The following PDE4D variants were observed in gnomAD, a reference collection of about 807,000 sequenced individuals.
PDE4D encodes the protein phosphodiesterase 4D.
A neutral mutation model predicts 87.4 loss-of-function variants in PDE4D; 24 were observed. That is an observed-to-expected ratio of 0.27 (90% CI 0.20 to 0.39). The LOEUF (loss-of-function observed/expected upper bound fraction) is 0.39. Ranked by LOEUF, PDE4D falls within the 10% of genes least tolerant of loss-of-function variation. The pLI, the probability that PDE4D is intolerant of heterozygous loss-of-function variation, is 1.00. For synonymous variants in PDE4D, 384 were observed against 383.2 expected (o/e 1.00, Z -0.02); for missense variants, 714 against 1,041.0 (o/e 0.69, Z 4.32).
At chr5:59,641,202 C>T (rs886575357) in intron 1 of PDE4D, among the ~76,000 whole-genome samples, 1 of 152,064 alleles carries the variant, frequency 6.6e-6, no homozygotes, top group Non-Finnish European at 1.5e-5. Flanking sequence ...TCAGTTTTTA[C>T]TTTTGGCTGA....
At chr5:60,248,669 G>T (rs1230269403) in intron 1 of PDE4D, among the ~76,000 whole-genome samples, 1 of 151,994 alleles carries the variant, frequency 6.6e-6, no homozygotes, top group Non-Finnish European at 1.5e-5. Flanking sequence ...TTTTTAAAAA[G>T]TATATTTGTC....
intron 1 of PDE4D, among the ~76,000 whole-genome samples, chr5:60,280,407 C>A (rs1201869443): frequency 1.3e-5 from 2 of 151,778 alleles, no homozygotes; most frequent in African/African-American, 4.8e-5. Context: ...GCTATGTATA[C>A]TCCATCTTCC....
chr5:60,177,543 T>A (rs1784029105), intron 2 of PDE4D, among the ~76,000 whole-genome samples: 1 of 152,178 alleles, frequency 6.6e-6, no homozygotes, highest in South Asian at 2.1e-4. Flanking sequence ...TTTTGCATAC[T>A]TGGCAGAGAT....
At chr5:60,123,899 C>G (rs1430895522) in intron 2 of PDE4D, among the ~76,000 whole-genome samples, 1 of 151,872 alleles carries the variant, frequency 6.6e-6, no homozygotes, top group Non-Finnish European at 1.5e-5. Flanking sequence ...AAACAATTAC[C>G]CCACAACCAA....
intron 1 of PDE4D, chr5:60,262,513 A>G (rs958589393): frequency 7.2e-5 from 11 of 152,134 alleles, no homozygotes; most frequent in African/African-American, 2.4e-4. Context: ...TATTATCATC[A>G]CTGTCTTCTT....
At chr5:59,738,918 G>T (rs889798745) in intron 1 of PDE4D, among the ~76,000 whole-genome samples, 2 of 151,448 alleles carry the variant, frequency 1.3e-5, no homozygotes, top group Admixed American at 6.6e-5. Flanking sequence ...TATTTTCACA[G>T]TGATTAAAAA....
intron 1 of PDE4D, among the ~76,000 whole-genome samples, chr5:60,472,318 A>G (rs947529917): frequency 6.6e-6 from 1 of 152,170 alleles, no homozygotes; most frequent in African/African-American, 2.4e-5. Flanking sequence ...CCCAGGTCAC[A>G]CAGCTAATAA....
chr5:59,234,899 GT>G (rs35746970), intron 1 of PDE4D, among the ~76,000 whole-genome samples: 18,248 of 151,422 alleles, frequency 0.12, 1,145 homozygotes, highest in Non-Finnish European at 0.13. Context: ...CTCAAATCGA[GT>G]TTTTTTTTAA....
chr5:60,359,333 C>T (rs1474443031), intron 1 of PDE4D, among the ~76,000 whole-genome samples: 5 of 152,038 alleles, frequency 3.3e-5, no homozygotes, highest in Admixed American at 1.3e-4. Flanking sequence ...ACTTGAGCCC[C>T]GGAGGTAGAG....
chr5:59,648,395 A>C (rs952234396), intron 1 of PDE4D, among the ~76,000 whole-genome samples: 1 of 152,180 alleles, frequency 6.6e-6, no homozygotes, highest in Non-Finnish European at 1.5e-5. Flanking sequence ...ACTCTCTTAA[A>C]TATGGTTAAC....
At chr5:59,475,296 A>G (rs1429228448) in intron 1 of PDE4D, among the ~76,000 whole-genome samples, 1 of 152,108 alleles carries the variant, frequency 6.6e-6, no homozygotes, top group Non-Finnish European at 1.5e-5. Flanking sequence ...CTTTCAGAGA[A>G]GACATATAGC....
At chr5:59,175,369 T>C (rs1225844224) in intron 5 of PDE4D, among the ~76,000 whole-genome samples, 1 of 152,064 alleles carries the variant, frequency 6.6e-6, no homozygotes, top group African/African-American at 2.4e-5. Context: ...AGTTTTTAAA[T>C]TAGCTTTAGG....
chr5:59,628,741 T>C (rs781465710), intron 1 of PDE4D, among the ~76,000 whole-genome samples: 36 of 152,140 alleles, frequency 2.4e-4, no homozygotes, highest in Non-Finnish European at 4.0e-4. Context: ...TGGCATATTA[T>C]ATAGGGCAAG....
At chr5:59,034,921 C>T (rs558062066) in intron 6 of PDE4D, among the ~76,000 whole-genome samples, 2 of 152,258 alleles carry the variant, frequency 1.3e-5, no homozygotes, top group Admixed American at 1.3e-4. Context: ...TTGGGAATAA[C>T]TCAAAATGAT....
At chr5:60,064,728 T>C (rs1771862982) in intron 2 of PDE4D, among the ~76,000 whole-genome samples, 2 of 152,114 alleles carry the variant, frequency 1.3e-5, no homozygotes, top group South Asian at 4.1e-4. Context: ...CATCTCCTCT[T>C]AGATTAAATC....
At chr5:59,891,667 GGT>G (rs1401812489) in intron 1 of PDE4D, among the ~76,000 whole-genome samples, 2 of 152,020 alleles carry the variant, frequency 1.3e-5, no homozygotes, top group African/African-American at 4.8e-5. Context: ...GGTACCTAAG[GGT>G]GTGAGCCAGG....
At chr5:59,516,645 A>G (rs1225834585) in intron 1 of PDE4D, among the ~76,000 whole-genome samples, 1 of 152,186 alleles carries the variant, frequency 6.6e-6, no homozygotes. Context: ...ATTGCAGAAT[A>G]TTTTTAAAAT....
intron 1 of PDE4D, among the ~76,000 whole-genome samples, chr5:59,424,079 G>A (rs1436494392): frequency 6.6e-6 from 1 of 152,136 alleles, no homozygotes; most frequent in African/African-American, 2.4e-5. Flanking sequence ...GTTAGGCTGA[G>A]GGAGAGGAAG....
At chr5:59,195,018 T>C (rs1008449458) in intron 2 of PDE4D, among the ~76,000 whole-genome samples, 2 of 152,128 alleles carry the variant, frequency 1.3e-5, no homozygotes, top group African/African-American at 4.8e-5. Context: ...GCCCAGCCCC[T>C]CATGTTTTCT....
Sources: gnomAD v4.1 joint callset for allele counts (sites outside exome capture counted in the v4.1 genomes callset) on GRCh38, gnomAD v4.1.1 for gene constraint, MANE v1.5 for transcripts, NCBI Gene and HGNC (gene_info 2026-07-23, HGNC 2026-07-21) for gene names.